LEPR: variants seen among roughly 807,000 people sequenced by gnomAD.
LEPR encodes the protein leptin receptor, also known as OB receptor.
In LEPR, 56 loss-of-function variants were observed where a neutral mutation model predicts 114.7. That is an observed-to-expected ratio of 0.49 (90% CI 0.39 to 0.61). The LOEUF (loss-of-function observed/expected upper bound fraction) is 0.61. Ranked by LOEUF, LEPR falls within the 20% of genes least tolerant of loss-of-function variation. The probability of loss-of-function intolerance (pLI) is 0.00; values close to 1 mark genes in which losing one functional copy is unlikely to be tolerated. For missense variants in LEPR, 1,202 were observed against 1,352.9 expected (o/e 0.89, Z 1.75); for synonymous variants, 443 against 461.4 (o/e 0.96, Z 0.51).
intron 2 of LEPR, among the ~76,000 whole-genome samples, chr1:65,535,950 A>G (rs953825053): frequency 6.6e-6 from 1 of 152,190 alleles, no homozygotes; most frequent in African/African-American, 2.4e-5. Flanking sequence ...TTTCCCAATC[A>G]TAAGTAATTA....
At chr1:65,461,803 G>A (rs1203931403) in intron 2 of LEPR, among the ~76,000 whole-genome samples, 1 of 152,114 alleles carries the variant, frequency 6.6e-6, no homozygotes, top group African/African-American at 2.4e-5. Flanking sequence ...GGGGATCAAG[G>A]TCAGCATCAA....
rs1415699693 is a variant in LEPR at position 65,636,182 on chromosome 1, T to G, written c.2674-9T>G. 14 of 1,613,738 alleles carry G rather than the reference T, an allele frequency of 8.7e-6. No homozygotes were observed. Among genetic ancestry groups the G allele is most frequent in the Non-Finnish European group, 1.2e-5 (14 of 1,179,792 alleles). ...ATAATTGAGCCTTAAAATGTGTCTT[T>G]TCTTTTAGCCAGAAACGTTTGAGCA... On this transcript the variant is annotated splice_polypyrimidine_tract_variant and intron_variant, in intron 19 of 19. Transcript: ENST00000349533.
chr1:65,527,891 C>A (rs1650085203), intron 2 of LEPR, among the ~76,000 whole-genome samples: 1 of 151,938 alleles, frequency 6.6e-6, no homozygotes, highest in Non-Finnish European at 1.5e-5. Context: ...TCAAATATAC[C>A]CTGGTTGCTA....
intron 2 of LEPR, among the ~76,000 whole-genome samples, chr1:65,442,346 C>A (rs1209360530): frequency 1.3e-5 from 2 of 152,122 alleles, no homozygotes; most frequent in Non-Finnish European, 2.9e-5. Flanking sequence ...ATCTTTGAAT[C>A]CACCTATGAC....
At chr1:65,433,820 AT>A in intron 2 of LEPR, 1 of 982,412 alleles carries the variant, frequency 1.0e-6, no homozygotes, top group Non-Finnish European at 1.2e-6. Context: ...TAACTTTAAA[AT>A]TTTTTTGTGA....
intron 2 of LEPR, among the ~76,000 whole-genome samples, chr1:65,427,296 G>C (rs190681754): frequency 6.6e-6 from 1 of 152,044 alleles, no homozygotes; most frequent in East Asian, 1.9e-4. Context: ...GACAGAGCCC[G>C]GCCGTGGTGG....
At chr1:65,552,782 C>A (rs1346288170) in intron 2 of LEPR, among the ~76,000 whole-genome samples, 1 of 152,016 alleles carries the variant, frequency 6.6e-6, no homozygotes, top group East Asian at 1.9e-4. Context: ...TTGTTTTGCC[C>A]ATTAGTTGAT....
intron 17 of LEPR, 105 bp from the exon 18 acceptor site, chr1:65,621,245 TAAG>T (rs1657864237): frequency 4.6e-6 from 4 of 860,764 alleles, no homozygotes; most frequent in African/African-American, 1.7e-5. Context: ...TTGAAGGTAA[TAAG>T]AGATTTGTGA....
chr1:65,536,647 A>G (rs1650799682), intron 2 of LEPR, among the ~76,000 whole-genome samples: 1 of 152,282 alleles, frequency 6.6e-6, no homozygotes, highest in Admixed American at 6.5e-5. Context: ...GAAAGTATAA[A>G]TCAAAGATTT....
intron 2 of LEPR, among the ~76,000 whole-genome samples, chr1:65,443,638 T>C (rs1002564261): frequency 2.6e-5 from 4 of 152,158 alleles, no homozygotes; most frequent in Non-Finnish European, 5.9e-5. Context: ...TGAGTTCATA[T>C]TGGACAGAGC....
chr1:65,565,840 C>G (rs554851375), intron 3 of LEPR, among the ~76,000 whole-genome samples: 2 of 133,914 alleles, frequency 1.5e-5, no homozygotes, highest in African/African-American at 5.3e-5. Flanking sequence ...AATCCTCTCT[C>G]TCTCTCACAC....
chr1:65,446,056 T>C (rs961651884), intron 2 of LEPR, among the ~76,000 whole-genome samples: 23 of 152,348 alleles, frequency 1.5e-4, no homozygotes, highest in African/African-American at 5.5e-4. Context: ...AGAGATATTA[T>C]TAGTTGAGGT....
At chr1:65,603,373 A>C (rs1287518377) in intron 10 of LEPR, among the ~76,000 whole-genome samples, 1 of 151,716 alleles carries the variant, frequency 6.6e-6, no homozygotes, top group Non-Finnish European at 1.5e-5. Context: ...ACACACACAC[A>C]TTCATGATTG....
intron 2 of LEPR, among the ~76,000 whole-genome samples, chr1:65,451,070 G>A (rs1413790065): frequency 1.3e-5 from 2 of 151,614 alleles, no homozygotes; most frequent in Admixed American, 6.6e-5. Context: ...CTGCATAAAT[G>A]TCTTCTTTTG....
At position 65,616,043 on chromosome 1, in the gene LEPR, G is replaced by T. The variant is rs1657505687; in HGVS notation, c.2031G>T (p.Gln677His). The T allele has an allele frequency of 6.2e-7, 1 of 1,614,038 alleles. No individual in the cohort carries two copies. Among genetic ancestry groups the T allele is most frequent in the Non-Finnish European group, 8.5e-7 (1 of 1,180,004 alleles). ...LMKNDSLCSV[Q>H]RYVINHHTSC... ...AAAATGACTCATTGTGCAGTGTTCA[G>T]AGATATGTGATAAACCATCATACTT... The change falls in exon 15 of 20, where the codon CAG becomes CAT. Residue 677 changes from glutamine to histidine, a missense_variant. Transcript: ENST00000349533.
intron 2 of LEPR, among the ~76,000 whole-genome samples, chr1:65,449,720 AT>A (rs987604946): frequency 1.0e-4 from 15 of 146,072 alleles, no homozygotes; most frequent in East Asian, 4.0e-4. Context: ...AGTTTCATTG[AT>A]TTTTTTTCTA....
intron 3 of LEPR, among the ~76,000 whole-genome samples, chr1:65,568,437 C>T (rs1158964518): frequency 6.6e-6 from 1 of 151,992 alleles, no homozygotes; most frequent in South Asian, 2.1e-4. Context: ...TAGCTCCATC[C>T]ACGTTGTTGC....
At chr1:65,455,797 T>C (rs1299720375) in intron 2 of LEPR, among the ~76,000 whole-genome samples, 2 of 152,248 alleles carry the variant, frequency 1.3e-5, no homozygotes, top group African/African-American at 2.4e-5. Flanking sequence ...CTTTGAGCTG[T>C]GGTGGGCTCC....
In LEPR at chr1:65,610,029, G is replaced by A. The variant is rs144159890; in HGVS notation, c.1835G>A (p.Arg612His). 3.9e-4 allele frequency: 625 copies of A among 1,614,184 alleles called. 2 individuals carry two copies. Among genetic ancestry groups the A allele is most frequent in the Admixed American group, 1.0e-3 (60 of 60,022 alleles). Reference protein sequence around the residue: ...DLCAVYAVQVRCKRLDGLGYW... With the variant: ...DLCAVYAVQVHCKRLDGLGYW... ...TGTGCAGTCTATGCTGTTCAGGTGC[G>A]CTGTAAGAGGCTAGATGGACTGGGA... Residue 612 changes from arginine (R) to histidine (H), a missense_variant, in exon 13 of 20, where the codon CGC (arginine) becomes CAC (histidine). Arg to His is a conservative substitution (Grantham distance 29). Transcript: ENST00000349533.
Sources: gnomAD v4.1 joint callset for allele counts (sites outside exome capture counted in the v4.1 genomes callset) on GRCh38, gnomAD v4.1.1 for gene constraint, MANE v1.5 for transcripts, NCBI Gene and HGNC (gene_info 2026-07-23, HGNC 2026-07-21) for gene names.